MCMBP: variants seen among roughly 807,000 people sequenced by gnomAD.
MCMBP encodes the protein minichromosome maintenance complex binding protein.
A neutral mutation model predicts 81.3 loss-of-function variants in MCMBP; 31 were observed. That is an observed-to-expected ratio of 0.38 (90% CI 0.29 to 0.51). The LOEUF is 0.51. Ranked by LOEUF, MCMBP falls within the 20% of genes least tolerant of loss-of-function variation. MCMBP has a pLI of 0.87. For synonymous variants in MCMBP, 267 were observed against 275.9 expected, an observed-to-expected ratio of 0.97 and a Z score of 0.32; for missense variants, 645 against 772.1, an observed-to-expected ratio of 0.84 and a Z score of 1.95.
intron 6 of MCMBP, among the ~76,000 whole-genome samples, chr10:119,851,717 GTATT>G (rs1294172887): frequency 6.6e-6 from 1 of 152,114 alleles, no homozygotes; most frequent in Non-Finnish European, 1.5e-5. Context: ...ACATTTATAT[GTATT>G]TATAGTAAAA....
At chr10:119,837,064 C>G (rs903342954) in intron 12 of MCMBP, 35 bp from the exon 13 acceptor site, 8 of 1,605,578 alleles carry the variant, frequency 5.0e-6, no homozygotes, top group Non-Finnish European at 5.9e-6. Context: ...AGTCATTTGA[C>G]TTTAATCATC....
intron 5 of MCMBP, 144 bp downstream of exon 5, chr10:119,857,194 C>T: frequency 2.2e-6 from 1 of 454,672 alleles, no homozygotes; most frequent in Admixed American, 3.8e-5. Context: ...GTGACAAATA[C>T]TTAGCCCGTT....
intron 5 of MCMBP, among the ~76,000 whole-genome samples, chr10:119,854,528 G>A (rs1852952693): frequency 7.2e-6 from 1 of 139,418 alleles, no homozygotes; most frequent in African/African-American, 2.7e-5. Context: ...CAAAGGGAGA[G>A]ACCCTGTCTC....
chr10:119,855,925 C>A (rs183722135), intron 5 of MCMBP, among the ~76,000 whole-genome samples: 207 of 152,236 alleles, frequency 1.4e-3, no homozygotes, highest in Non-Finnish European at 2.2e-3. Flanking sequence ...TTTATCACAA[C>A]TGACTCAAAA....
upstream of MCMBP, chr10:119,873,382 C>T (rs1408744147): frequency 6.6e-6 from 1 of 152,258 alleles, no homozygotes; most frequent in Non-Finnish European, 1.5e-5. Flanking sequence ...GGACCCCACG[C>T]TCCTTCTGCA....
At chr10:119,849,789 T>TA (rs1383810438) in intron 6 of MCMBP, among the ~76,000 whole-genome samples, 3 of 152,160 alleles carry the variant, frequency 2.0e-5, no homozygotes, top group African/African-American at 7.2e-5. Context: ...CTAAAAATTT[T>TA]ACTTTTTTTT....
intron 13 of MCMBP, 140 bp downstream of exon 13, chr10:119,836,756 A>ATTT: frequency 1.7e-6 from 1 of 581,238 alleles, no homozygotes; most frequent in Non-Finnish European, 2.7e-6. Flanking sequence ...CAGCAGTCAC[A>ATTT]GTTTTTTTTT....
chr10:119,859,308 A>C, intron 2 of MCMBP, 127 bp from the exon 3 acceptor site: 1 of 742,692 alleles, frequency 1.3e-6, no homozygotes, highest in Non-Finnish European at 2.1e-6. Context: ...ACACACACCC[A>C]TGCCACATCA....
rs753958150 is a variant in MCMBP, at chr10:119,855,307, T to C, written c.429+2031A>G. Among the ~76,000 whole-genome samples the C allele has an allele frequency of 1.5e-4, 23 of 152,228 alleles. 1 individual carries two copies. The highest frequency in any genetic ancestry group is 5.9e-5 in the Non-Finnish European group (4 of 68,030). On this transcript the variant is annotated intron_variant, in intron 5 of 15. Coordinates refer to ENST00000369077, the MANE Select transcript of MCMBP (RefSeq NM_001256378.2). ...CCAAAGCAGTGACTGGGGAGAAATT[T>C]ATAGCTTTAGTTGCTAACATTAGAA...
intron 1 of MCMBP, among the ~76,000 whole-genome samples, chr10:119,864,213 C>T (rs1219293474): frequency 6.6e-6 from 1 of 152,240 alleles, no homozygotes; most frequent in Non-Finnish European, 1.5e-5. Flanking sequence ...AAAGCCTCCA[C>T]AATGGAATGC....
At chr10:119,831,733 A>C in intron 15 of MCMBP, 133 bp from the exon 16 acceptor site, 1 of 1,057,380 alleles carries the variant, frequency 9.5e-7, no homozygotes, top group East Asian at 2.6e-5. Context: ...AGTTACACAC[A>C]AGTCAACAGC....
chr10:119,843,544 T>C, intron 8 of MCMBP, 118 bp from the exon 9 acceptor site: 1 of 950,236 alleles, frequency 1.1e-6, no homozygotes, highest in Non-Finnish European at 1.5e-6. Context: ...CACCTGTACA[T>C]CTCCTTAAAG....
At chr10:119,845,358 TCAAAA>T (rs1371846169) in intron 8 of MCMBP, among the ~76,000 whole-genome samples, 3 of 151,890 alleles carry the variant, frequency 2.0e-5, no homozygotes, top group Admixed American at 6.6e-5. Context: ...TTTGGCAATC[TCAAAA>T]CAAAACAAAA....
In MCMBP at chr10:119,836,951, T is replaced by A; in HGVS notation, c.1487A>T (p.Glu496Val). The change falls in exon 13 of 16, where the codon GAA becomes GTA. Residue 496 changes from glutamate to valine, a missense_variant. Physicochemically the swap from Glu to Val is moderately radical, Grantham distance 121. Coordinates refer to ENST00000369077, the MANE Select transcript of MCMBP (RefSeq NM_001256378.2). ...GAAAACGTTAATATTGCAGGGGAAT[T>A]CCATCTGATGGTAGCTGAAGTCATA... ...VDYDFSYHQM[E>V]FPCNINVFIT... 6.2e-7 allele frequency: 1 copy of A among 1,613,872 alleles called. No homozygotes were observed. The highest frequency in any genetic ancestry group is 8.5e-7 in the Non-Finnish European group (1 of 1,179,908).
intron 12 of MCMBP, 123 bp from the exon 13 acceptor site, chr10:119,837,152 TC>T: frequency 1.0e-6 from 1 of 959,030 alleles, no homozygotes; most frequent in Non-Finnish European, 1.5e-6. Context: ...TGAGGCGCTG[TC>T]CAGTTTACTA....
At chr10:119,859,218 C>G (rs1235732044) in intron 2 of MCMBP, 37 bp from the exon 3 acceptor site, 1 of 1,597,916 alleles carries the variant, frequency 6.3e-7, no homozygotes, top group Non-Finnish European at 8.5e-7. Context: ...AACTAAATAT[C>G]CTGTCTATAC....
chr10:119,859,730 T>C (rs1853183694), intron 2 of MCMBP, 69 bp downstream of exon 2: 1 of 935,484 alleles, frequency 1.1e-6, no homozygotes, highest in Non-Finnish European at 1.6e-6. Context: ...GTGGGTTACT[T>C]AGTTACTCTA....
chr10:119,834,663 A>C (rs764048865), intron 14 of MCMBP, among the ~76,000 whole-genome samples: 5 of 150,988 alleles, frequency 3.3e-5, no homozygotes, highest in Non-Finnish European at 5.9e-5. Flanking sequence ...CACACACACA[A>C]ACACACACAC....
intron 14 of MCMBP, among the ~76,000 whole-genome samples, chr10:119,832,544 C>T (rs1314503031): frequency 2.6e-5 from 4 of 152,142 alleles, no homozygotes; most frequent in Admixed American, 2.6e-4. Flanking sequence ...ACATGTCCTA[C>T]TCCTAAATTC....
Sources: allele counts gnomAD v4.1 joint callset (sites outside exome capture counted in the v4.1 genomes callset), GRCh38; gene constraint gnomAD v4.1.1; transcripts MANE v1.5; gene names NCBI Gene and HGNC (gene_info 2026-07-23, HGNC 2026-07-21).